Variants in DENND5B observed in about 807,000 individuals in gnomAD.
The protein encoded by DENND5B is DENN domain containing 5B, also known as DENN domain-containing protein 5B.
In DENND5B, 34 loss-of-function variants were observed where a neutral mutation model predicts 140.6. The ratio of observed to expected loss-of-function variants is 0.24; its 90% CI spans 0.18 to 0.32. The LOEUF is 0.32. Among genes scored for constraint, DENND5B ranks in the 10% least tolerant of loss-of-function variants. The probability of loss-of-function intolerance (pLI) is 1.00; values close to 1 mark genes in which losing one functional copy is unlikely to be tolerated. For synonymous variants in DENND5B, 551 were observed against 562.1 expected (o/e 0.98, Z 0.28); for missense variants, 1,142 against 1,560.2 (o/e 0.73, Z 4.52).
chr12:31,590,694 C>T lies in DENND5B; in HGVS notation c.127+12G>A. 6.8e-7 allele frequency: 1 copy of T among 1,472,506 alleles called. No individual in the cohort carries two copies. Among genetic ancestry groups the T allele is most frequent in the South Asian group, 1.3e-5 (1 of 78,982 alleles). 91.2% of individuals were successfully genotyped at this position (1,472,506 alleles called of 1,614,324 possible). A position where few individuals can be genotyped will look rare whatever the true frequency, so the allele number is the denominator to read the frequency against. Reference sequence around the variant, plus strand: ...CTGAGGGGGCTCAGCGCCGCCGCAGCCCTGGCCTTACCCGCCAGCTCGTCA... The same window carrying T: ...CTGAGGGGGCTCAGCGCCGCCGCAGTCCTGGCCTTACCCGCCAGCTCGTCA... On this transcript the variant is annotated intron_variant, in intron 1 of 20. Transcript: ENST00000389082.
chr12:31,398,698 T>G (rs1448531925), intron 16 of DENND5B, among the ~76,000 whole-genome samples: 1 of 152,200 alleles, frequency 6.6e-6, no homozygotes, highest in Non-Finnish European at 1.5e-5. Context: ...ACTAGTGGAA[T>G]CCAAGAGATC....
At chr12:31,415,535 A>C (rs1224756225) in intron 11 of DENND5B, 87 bp from the exon 12 acceptor site, 1 of 1,104,946 alleles carries the variant, frequency 9.1e-7, no homozygotes, top group Non-Finnish European at 1.3e-6. Flanking sequence ...TGCTTCGATA[A>C]GAACAAATTT....
intron 1 of DENND5B, among the ~76,000 whole-genome samples, chr12:31,566,571 C>G (rs377300450): frequency 6.6e-6 from 1 of 151,994 alleles, no homozygotes; most frequent in East Asian, 1.9e-4. Flanking sequence ...GAGTTCAAGA[C>G]GAGCAAGGGC....
intron 4 of DENND5B, among the ~76,000 whole-genome samples, chr12:31,454,812 C>CTTTTTTT (rs201720111): frequency 2.1e-4 from 20 of 93,898 alleles, no homozygotes; most frequent in East Asian, 9.1e-4. Flanking sequence ...GATTCAGTAT[C>CTTTTTTT]TTTTTTTTTT....
chr12:31,508,554 C>T (rs991107946), intron 1 of DENND5B, among the ~76,000 whole-genome samples: 4 of 152,002 alleles, frequency 2.6e-5, no homozygotes, highest in Non-Finnish European at 5.9e-5. Flanking sequence ...ATGTTAGAAA[C>T]GAGACTCACT....
Position 31,556,206 on chromosome 12 carries a change from CT to C in DENND5B, c.127+34499del, listed in dbSNP as rs536495240. Among the ~76,000 whole-genome samples the C allele has an allele frequency of 5.8e-3, 888 of 151,960 alleles. 8 individuals are homozygous for C. Among genetic ancestry groups the C allele is most frequent in the Middle Eastern group, 0.014 (4 of 294 alleles). On this transcript the variant is annotated intron_variant, in intron 1 of 20. Transcript: ENST00000389082. Reference sequence around the variant, plus strand: ...ATTTGGCCATCTTGGCTCCTCCCCCCTTTTTTTTCTTTTTTTAAGATGCAGT... The same window carrying C: ...ATTTGGCCATCTTGGCTCCTCCCCCCTTTTTTTCTTTTTTTAAGATGCAGT...
chr12:31,584,961 T>C (rs1950346599), intron 1 of DENND5B, among the ~76,000 whole-genome samples: 1 of 152,108 alleles, frequency 6.6e-6, no homozygotes, highest in Non-Finnish European at 1.5e-5. Flanking sequence ...GGCAGAAGGC[T>C]AGCCAATTAG....
chr12:31,567,482 G>A (rs569204612), intron 1 of DENND5B, among the ~76,000 whole-genome samples: 8 of 143,958 alleles, frequency 5.6e-5, no homozygotes, highest in African/African-American at 1.3e-4. Context: ...AGCCAAGATC[G>A]TGCCACTGCA....
intron 1 of DENND5B, among the ~76,000 whole-genome samples, chr12:31,554,092 T>A (rs986999501): frequency 6.6e-6 from 1 of 152,246 alleles, no homozygotes; most frequent in African/African-American, 2.4e-5. Flanking sequence ...ATGTGTGAAT[T>A]TGATCCTGTC....
rs1453149868 is a variant in DENND5B at position 31,426,280 on chromosome 12, GAAT to G, written c.2238+10_2238+12del. 2.5e-6 allele frequency: 4 copies of G among 1,602,498 alleles called. No homozygotes were observed. The Admixed American group carries it at 6.9e-5, about 28-fold the overall frequency. ...TGAATGCACACTGTCTGGCATCAGT[GAAT>G]AATACATACCTTCATTCTACATTCT... On this transcript the variant is annotated intron_variant, in intron 9 of 20. Coordinates refer to ENST00000389082, the MANE Select transcript of DENND5B (RefSeq NM_144973.4).
At chr12:31,393,773 C>T (rs544054214) in intron 17 of DENND5B, among the ~76,000 whole-genome samples, 18 of 152,216 alleles carry the variant, frequency 1.2e-4, no homozygotes, top group Admixed American at 4.6e-4. Context: ...CTGCACCCTC[C>T]GCCTCCCAGG....
intron 1 of DENND5B, among the ~76,000 whole-genome samples, chr12:31,531,670 T>C (rs1348428151): frequency 6.6e-6 from 1 of 152,226 alleles, no homozygotes; most frequent in Admixed American, 6.5e-5. Flanking sequence ...CATCATGCTA[T>C]TGTGGCTATA....
At chr12:31,493,319 C>T (rs1946605499) in intron 2 of DENND5B, among the ~76,000 whole-genome samples, 2 of 152,176 alleles carry the variant, frequency 1.3e-5, no homozygotes, top group South Asian at 4.1e-4. Flanking sequence ...ATAAAGTACT[C>T]TAGCAGGCAT....
chr12:31,579,885 C>T (rs1950160158), intron 1 of DENND5B, among the ~76,000 whole-genome samples: 1 of 151,728 alleles, frequency 6.6e-6, no homozygotes, highest in African/African-American at 2.4e-5. Context: ...GAGGACCTTA[C>T]ATGGTGCCAT....
At chr12:31,415,311 C>T in intron 12 of DENND5B, 56 bp downstream of exon 12, 2 of 1,396,976 alleles carry the variant, frequency 1.4e-6, no homozygotes, top group Non-Finnish European at 2.0e-6. Flanking sequence ...AGTTAAAAGC[C>T]ACAAAATACT....
At chr12:31,590,019 G>C (rs970930673) in intron 1 of DENND5B, 3 of 152,276 alleles carry the variant, frequency 2.0e-5, no homozygotes, top group Non-Finnish European at 2.9e-5. Flanking sequence ...TTAAACTCGG[G>C]AACAGTGTAG....
At chr12:31,536,762 G>A (rs1168345239) in intron 1 of DENND5B, among the ~76,000 whole-genome samples, 1 of 151,992 alleles carries the variant, frequency 6.6e-6, no homozygotes, top group African/African-American at 2.4e-5. Context: ...TTAACCCAAA[G>A]AAAGCTATCT....
chr12:31,401,809 A>G (rs931695095), intron 15 of DENND5B, among the ~76,000 whole-genome samples: 3 of 151,986 alleles, frequency 2.0e-5, no homozygotes, highest in African/African-American at 7.3e-5. Flanking sequence ...TTTTGTAGAG[A>G]TGGAGTCTCA....
At position 31,468,561 on chromosome 12, in the gene DENND5B, C is replaced by T. The variant is rs113551480; in HGVS notation, c.905-8180G>A. 1.5e-3 allele frequency among the ~76,000 whole-genome samples: 231 copies of T among 152,024 alleles called. 1 individual carries two copies. The highest frequency in any genetic ancestry group is 5.1e-3 in the African/African-American group (211 of 41,446). Reference sequence around the variant, plus strand: ...ATGGCTCATACCTGTGATCCCAGCACTTTGGGAGGCCAATGCAGGAGGATC... The same window carrying T: ...ATGGCTCATACCTGTGATCCCAGCATTTTGGGAGGCCAATGCAGGAGGATC... On this transcript the variant is annotated intron_variant, in intron 3 of 20. Coordinates refer to ENST00000389082, the MANE Select transcript of DENND5B (RefSeq NM_144973.4).
Sources: allele counts gnomAD v4.1 joint callset (sites outside exome capture counted in the v4.1 genomes callset), GRCh38; gene constraint gnomAD v4.1.1; transcripts MANE v1.5; gene names NCBI Gene and HGNC (gene_info 2026-07-23, HGNC 2026-07-21).